TTC4: variants seen among roughly 807,000 people sequenced by gnomAD.
TTC4 encodes tetratricopeptide repeat domain 4.
A neutral mutation model predicts 51.9 loss-of-function variants in TTC4; 36 were observed. The ratio of observed to expected loss-of-function variants is 0.69; its 90% CI spans 0.53 to 0.92. The LOEUF (loss-of-function observed/expected upper bound fraction) is 0.92. Ranked by LOEUF, TTC4 falls within the 40% of genes least tolerant of loss-of-function variation. The pLI, the probability that TTC4 is intolerant of heterozygous loss-of-function variation, is 0.00. For synonymous variants in TTC4, 144 were observed against 164.2 expected, an observed-to-expected ratio of 0.88 and a Z score of 0.94; for missense variants, 399 against 454.6, an observed-to-expected ratio of 0.88 and a Z score of 1.11.
At chr1:54,737,543 C>A (rs771745307) in intron 8 of TTC4, 39 bp from the exon 9 acceptor site, 3 of 1,599,718 alleles carry the variant, frequency 1.9e-6, no homozygotes, top group Non-Finnish European at 2.6e-6. Flanking sequence ...GCTGCCGAAG[C>A]CTTTATCTCT....
chr1:54,740,624 C>G (rs12090784), intron 9 of TTC4, among the ~76,000 whole-genome samples: 2,412 of 152,232 alleles, frequency 0.016, 72 homozygotes, highest in African/African-American at 0.055. Flanking sequence ...AAAATTATTA[C>G]CATAGGCAAG....
chr1:54,716,126 G>A, intron 1 of TTC4, 107 bp downstream of exon 1: 1 of 891,258 alleles, frequency 1.1e-6, no homozygotes, highest in Admixed American at 2.5e-5. Context: ...GGCGCTGCCA[G>A]CCGATCGCTG....
chr1:54,717,390 C>T, intron 2 of TTC4, 102 bp from the exon 3 acceptor site: 18 of 1,093,096 alleles, frequency 1.6e-5, no homozygotes, highest in Non-Finnish European at 2.1e-5. Context: ...GGTTTCTTCG[C>T]TTTGGTGTGT....
rs1161835048 is a variant in TTC4 at position 54,741,481 on chromosome 1, C to T, written c.1132C>T (p.Leu378Phe). The T allele has an allele frequency of 6.2e-7, 1 of 1,614,168 alleles. No individual in the cohort carries two copies. Among genetic ancestry groups the T allele is most frequent in the South Asian group, 1.1e-5 (1 of 91,086 alleles). The change falls in exon 10 of 10, where the codon CTC (leucine) becomes TTC (phenylalanine). Residue 378 changes from leucine to phenylalanine, a missense_variant. Physicochemically the swap from Leu to Phe is conservative, Grantham distance 22. Around this residue, in one of 3 missense-constraint regions of TTC4, gnomAD observed 64 missense variants for 61.3 expected, o/e 1.04. Transcript: ENST00000371281. Reference sequence around the variant, plus strand: ...ATCCTCTCCTTTTTGCAAGAATTTTCTCCGGGGGAGAAAGGTGTACCAGAT... The same window carrying T: ...ATCCTCTCCTTTTTGCAAGAATTTTTTCCGGGGGAGAAAGGTGTACCAGAT... ...VGSSPFCKNFLRGRKVYQIR is the reference protein window; with the variant it reads ...VGSSPFCKNFFRGRKVYQIR
intron 9 of TTC4, 98 bp from the exon 10 acceptor site, chr1:54,741,313 C>G (rs898791635): frequency 3.0e-6 from 3 of 1,011,266 alleles, no homozygotes; most frequent in East Asian, 2.4e-5. Context: ...CATGTTGACT[C>G]CCATCCAGAG....
Position 54,733,254 on chromosome 1 carries a change from C to CA in TTC4, c.897-367dup, listed in dbSNP as rs146067647. On this transcript the variant is annotated intron_variant, in intron 7 of 9. Coordinates refer to ENST00000371281, the MANE Select transcript of TTC4 (RefSeq NM_004623.5). Reference sequence around the variant, plus strand: ...CAATATAGGGAGACCCCCATCTCTACAAAAAAAAGAAAAAAATTAGCCAGG... The same window carrying CA: ...CAATATAGGGAGACCCCCATCTCTACAAAAAAAAAGAAAAAAATTAGCCAGG... Among the ~76,000 whole-genome samples the CA allele has an allele frequency of 5.8e-4, 86 of 148,338 alleles. 1 individual carries two copies. Among genetic ancestry groups the CA allele is most frequent in the Non-Finnish European group, 2.1e-4 (14 of 66,856 alleles).
At chr1:54,727,965 T>C (rs1405077758) in intron 5 of TTC4, among the ~76,000 whole-genome samples, 2 of 152,158 alleles carry the variant, frequency 1.3e-5, no homozygotes, top group Non-Finnish European at 2.9e-5. Flanking sequence ...ACTAGGGTGG[T>C]TATACTTTTT....
At chr1:54,727,376 A>C (rs182747807) in intron 5 of TTC4, among the ~76,000 whole-genome samples, 15 of 152,294 alleles carry the variant, frequency 9.8e-5, no homozygotes, top group Non-Finnish European at 1.6e-4. Flanking sequence ...AAATACCCAA[A>C]TGTAAGAGCT....
intron 9 of TTC4, among the ~76,000 whole-genome samples, chr1:54,738,661 C>CTTTTTTTTT (rs567268643): frequency 0.053 from 7,364 of 138,156 alleles, 327 homozygotes; most frequent in African/African-American, 0.099. Context: ...CTAGGATGGC[C>CTTTTTTTTT]TTTTTTTTTT....
intron 8 of TTC4, among the ~76,000 whole-genome samples, chr1:54,736,195 A>AGAGAGC (rs1557752799): frequency 7.6e-6 from 1 of 131,622 alleles, no homozygotes; most frequent in Admixed American, 7.1e-5. Context: ...AGAGAGAGAG[A>AGAGAGC]GAGAGAGAGA....
At chr1:54,724,002 A>G (rs1645772969) in intron 5 of TTC4, among the ~76,000 whole-genome samples, 2 of 152,194 alleles carry the variant, frequency 1.3e-5, no homozygotes, top group South Asian at 4.1e-4. Context: ...AGAATTTCTG[A>G]AAGTGGTATA....
At chr1:54,717,724 G>A (rs1296384061) in intron 3 of TTC4, 71 bp downstream of exon 3, 2 of 1,347,052 alleles carry the variant, frequency 1.5e-6, no homozygotes, top group South Asian at 2.1e-5. Context: ...GGAGGTTTGA[G>A]AACATCAGAG....
At chr1:54,719,217 T>A (rs1478956522) in intron 3 of TTC4, among the ~76,000 whole-genome samples, 3 of 152,158 alleles carry the variant, frequency 2.0e-5, no homozygotes, top group Non-Finnish European at 4.4e-5. Flanking sequence ...AATATGGGAC[T>A]CTGACTGCTT....
chr1:54,716,292 A>T lies in TTC4; in HGVS notation c.111+273A>T, dbSNP rs552588960. The T allele has an allele frequency of 1.1e-5, 6 of 550,062 alleles. No individual in the cohort carries two copies. In the East Asian group the frequency reaches 1.9e-4, roughly 17 times the overall value. 34.1% of individuals were successfully genotyped at this position (550,062 alleles called of 1,614,324 possible). A position where few individuals can be genotyped will look rare whatever the true frequency, so the allele number is the denominator to read the frequency against. ...CTCAGAGTCCGTTTCCTCATCTGTAAAACTGCGCGAACTATATCACCAATA... is the reference window on the plus strand; with the variant it reads ...CTCAGAGTCCGTTTCCTCATCTGTATAACTGCGCGAACTATATCACCAATA... On this transcript the variant is annotated intron_variant, in intron 1 of 9. Coordinates refer to ENST00000371281, the MANE Select transcript of TTC4 (RefSeq NM_004623.5).
intron 8 of TTC4, among the ~76,000 whole-genome samples, chr1:54,734,525 T>C (rs1288081187): frequency 6.6e-6 from 1 of 152,054 alleles, no homozygotes; most frequent in Non-Finnish European, 1.5e-5. Flanking sequence ...TAGCTGGGAT[T>C]ACAGGCATGT....
At chr1:54,719,690 C>G (rs1048289180) in intron 3 of TTC4, among the ~76,000 whole-genome samples, 2 of 152,114 alleles carry the variant, frequency 1.3e-5, no homozygotes, top group Non-Finnish European at 2.9e-5. Context: ...GGACATGCCA[C>G]TATTTATACT....
chr1:54,727,536 T>A (rs573988837), intron 5 of TTC4, among the ~76,000 whole-genome samples: 2 of 142,572 alleles, frequency 1.4e-5, no homozygotes, highest in African/African-American at 5.7e-5. Flanking sequence ...ATCAAAAAAA[T>A]GAAAAGATAA....
intron 6 of TTC4, among the ~76,000 whole-genome samples, chr1:54,729,347 T>A (rs956948622): frequency 6.6e-6 from 1 of 152,236 alleles, no homozygotes; most frequent in Non-Finnish European, 1.5e-5. Flanking sequence ...GACACTACTG[T>A]ACTGAATACC....
At chr1:54,731,334 T>G (rs779400226) in intron 6 of TTC4, 152 bp from the exon 7 acceptor site, 4 of 651,404 alleles carry the variant, frequency 6.1e-6, no homozygotes, top group Non-Finnish European at 7.3e-6. Flanking sequence ...CTGGGCAATA[T>G]AGTGAAACTC....
Sources: gnomAD v4.1 joint callset for allele counts (sites outside exome capture counted in the v4.1 genomes callset) on GRCh38, gnomAD v4.1.1 for gene constraint, gnomAD v4.1.1 regional missense constraint, MANE v1.5 for transcripts, NCBI Gene and HGNC (gene_info 2026-07-23, HGNC 2026-07-21) for gene names.